The following TMEM232 variants were observed in gnomAD, a reference collection of about 807,000 sequenced individuals.
TMEM232 encodes the protein transmembrane protein 232.
A neutral mutation model predicts 78.8 loss-of-function variants in TMEM232; 80 were observed. That is an observed-to-expected ratio of 1.01 (90% CI 0.85 to 1.22). The LOEUF (loss-of-function observed/expected upper bound fraction) is 1.22. Among genes scored for constraint, TMEM232 ranks in the 50% most tolerant of loss-of-function variants. The pLI is 0.00. For synonymous variants in TMEM232, 297 were observed against 254.3 expected, an observed-to-expected ratio of 1.17 and a Z score of -1.60; for missense variants, 881 against 742.2, an observed-to-expected ratio of 1.19 and a Z score of -2.17.
intron 1 of TMEM232, among the ~76,000 whole-genome samples, chr5:110,668,836 G>A (rs1178308216): frequency 2.0e-5 from 3 of 152,082 alleles, no homozygotes; most frequent in South Asian, 2.1e-4. Flanking sequence ...ACTCAGAACC[G>A]CTCAACTGCC....
chr5:110,622,550 C>T lies in TMEM232; in HGVS notation c.768+2717G>A, dbSNP rs62376090. 8.6e-3 allele frequency among the ~76,000 whole-genome samples: 1,315 copies of T among 152,156 alleles called. 15 individuals are homozygous for T. Among genetic ancestry groups the T allele is most frequent in the Non-Finnish European group, 0.015 (986 of 67,996 alleles). On this transcript the variant is annotated intron_variant, in intron 7 of 13. Transcript: ENST00000455884. ...CATTTTTTATGGCTGCATAGTATTC[C>T]ATGGTGTATATGTGCCACATTTTCT... is the stretch of plus-strand genomic sequence containing the variant.
intron 12 of TMEM232, among the ~76,000 whole-genome samples, chr5:110,450,293 C>T (rs115108454): frequency 1.4e-3 from 207 of 152,214 alleles, no homozygotes; most frequent in African/African-American, 4.8e-3. Context: ...TTTTTTAGCT[C>T]TTCTCCGTCT....
chr5:110,719,506 A>G (rs72773181), intron 1 of TMEM232, among the ~76,000 whole-genome samples: 3 of 151,890 alleles, frequency 2.0e-5, no homozygotes, highest in Admixed American at 2.0e-4. Context: ...CCCCTCCTGT[A>G]TATGAGTCAC....
intron 12 of TMEM232, among the ~76,000 whole-genome samples, chr5:110,523,984 G>A (rs1278106019): frequency 3.6e-5 from 3 of 82,950 alleles, no homozygotes; most frequent in Non-Finnish European, 6.6e-5. Flanking sequence ...GGGCGGGGGG[G>A]CTGGGCCTGG....
chr5:110,480,502 G>T (rs1447916979), intron 12 of TMEM232, among the ~76,000 whole-genome samples: 1 of 151,970 alleles, frequency 6.6e-6, no homozygotes, highest in Non-Finnish European at 1.5e-5. Flanking sequence ...GTTTGGTTTG[G>T]TTGGTTGTTT....
chr5:110,420,774 C>T lies in TMEM232; in HGVS notation c.1798-18G>A, dbSNP rs922575477. On this transcript the variant is annotated intron_variant, in intron 13 of 13. Coordinates refer to ENST00000455884, the MANE Select transcript of TMEM232 (RefSeq NM_001039763.4). ...TCCTGCCACTGTTACAGAGAGAAAACGTCATTCACATGATTTTCCATGAAA... is the reference window on the plus strand; with the variant it reads ...TCCTGCCACTGTTACAGAGAGAAAATGTCATTCACATGATTTTCCATGAAA... 1.7e-5 allele frequency: 26 copies of T among 1,489,734 alleles called. No homozygotes were observed. The highest frequency in any genetic ancestry group is 5.2e-5 in the East Asian group (2 of 38,248). The allele number at this position is 1,489,734 out of a possible 1,614,324, so 92.3% of individuals were successfully genotyped here.
chr5:110,695,712 T>A (rs1794688367), intron 1 of TMEM232, among the ~76,000 whole-genome samples: 1 of 152,100 alleles, frequency 6.6e-6, no homozygotes, highest in South Asian at 2.1e-4. Flanking sequence ...AAGAAATGGA[T>A]AAATTCCTCG....
At chr5:110,664,877 T>C (rs540197840) in intron 2 of TMEM232, among the ~76,000 whole-genome samples, 3 of 152,330 alleles carry the variant, frequency 2.0e-5, no homozygotes, top group Admixed American at 6.5e-5. Flanking sequence ...TACCATCACA[T>C]TGGGTTACAA....
At chr5:110,627,723 G>C in intron 6 of TMEM232, 58 bp downstream of exon 6, 1 of 1,188,628 alleles carries the variant, frequency 8.4e-7, no homozygotes, top group Non-Finnish European at 1.2e-6. Context: ...GTGACAGTCT[G>C]AGCTTATCAA....
chr5:110,443,720 C>T (rs546654194), intron 12 of TMEM232, among the ~76,000 whole-genome samples: 1 of 152,310 alleles, frequency 6.6e-6, no homozygotes, highest in South Asian at 2.1e-4. Context: ...CAACTTATCT[C>T]AGAGCCAACA....
chr5:110,582,874 A>G (rs190830403), intron 10 of TMEM232, among the ~76,000 whole-genome samples: 177 of 152,170 alleles, frequency 1.2e-3, no homozygotes, highest in Non-Finnish European at 1.7e-3. Flanking sequence ...ATAACAAACT[A>G]TACAAAAAGG....
At chr5:110,696,071 T>C (rs546361583) in intron 1 of TMEM232, among the ~76,000 whole-genome samples, 1,822 of 152,212 alleles carry the variant, frequency 0.012, 23 homozygotes, top group African/African-American at 0.028. Context: ...ACTGGCAAAC[T>C]GAATCCAGCA....
intron 12 of TMEM232, among the ~76,000 whole-genome samples, chr5:110,495,684 A>G (rs1175128210): frequency 1.3e-5 from 2 of 151,794 alleles, no homozygotes; most frequent in South Asian, 4.1e-4. Flanking sequence ...TGAATAAAAT[A>G]TTTTCTTTGA....
intron 2 of TMEM232, among the ~76,000 whole-genome samples, chr5:110,660,785 G>A (rs1402745699): frequency 6.6e-6 from 1 of 151,998 alleles, no homozygotes; most frequent in Non-Finnish European, 1.5e-5. Context: ...TCAAATCAGG[G>A]TAATTATAAT....
chr5:110,630,250 C>T (rs1784945057), intron 5 of TMEM232, among the ~76,000 whole-genome samples: 1 of 152,124 alleles, frequency 6.6e-6, no homozygotes, highest in Non-Finnish European at 1.5e-5. Context: ...CAGTTGAAGA[C>T]AGCTGACTAG....
chr5:110,513,742 A>T (rs1768148714), intron 12 of TMEM232: 1 of 163,882 alleles, frequency 6.1e-6, no homozygotes, highest in Non-Finnish European at 1.5e-5. Flanking sequence ...TTATTGGTGA[A>T]AATGTAACTT....
At chr5:110,719,953 G>A (rs752561527) in intron 1 of TMEM232, among the ~76,000 whole-genome samples, 34 of 152,112 alleles carry the variant, frequency 2.2e-4, no homozygotes, top group Admixed American at 9.8e-4. Context: ...GGCAGAGACA[G>A]TTTTAAGGGC....
intron 8 of TMEM232, among the ~76,000 whole-genome samples, chr5:110,611,735 C>A (rs1223915177): frequency 1.3e-5 from 2 of 152,048 alleles, no homozygotes; most frequent in African/African-American, 4.8e-5. Flanking sequence ...TATGCTATAG[C>A]CCTGGCAGCA....
At chr5:110,629,329 C>T (rs552876967) in intron 5 of TMEM232, among the ~76,000 whole-genome samples, 261 of 152,142 alleles carry the variant, frequency 1.7e-3, no homozygotes, top group African/African-American at 5.8e-3. Context: ...GTATTTATAT[C>T]TCAATTTGGT....
Sources: allele counts gnomAD v4.1 joint callset (sites outside exome capture counted in the v4.1 genomes callset), GRCh38; gene constraint gnomAD v4.1.1; transcripts MANE v1.5; gene names NCBI Gene and HGNC (gene_info 2026-07-23, HGNC 2026-07-21).